Variants in DLGAP2 observed in about 807,000 individuals in gnomAD.
DLGAP2 encodes disks large-associated protein 2.
In DLGAP2, 26 loss-of-function variants were observed where a neutral mutation model predicts 100.3. The observed-to-expected ratio is 0.26, with a 90% CI of 0.19 to 0.36. The LOEUF (loss-of-function observed/expected upper bound fraction) is 0.36. DLGAP2 is among the 10% of genes least tolerant of loss of function. The probability of loss-of-function intolerance (pLI) is 1.00; values close to 1 mark genes in which losing one functional copy is unlikely to be tolerated. For synonymous variants in DLGAP2, 886 were observed against 630.1 expected (o/e 1.41, Z -6.08); for missense variants, 1,858 against 1,453.2 (o/e 1.28, Z -4.53).
At chr8:1,552,348 A>G (rs1462091272) in intron 5 of DLGAP2, among the ~76,000 whole-genome samples, 2 of 152,294 alleles carry the variant, frequency 1.3e-5, no homozygotes, top group East Asian at 3.9e-4. Context: ...CTCCCAGTGA[A>G]ACCACCTCTT....
chr8:1,117,261 G>C (rs1346630016), intron 2 of DLGAP2, among the ~76,000 whole-genome samples: 2 of 152,232 alleles, frequency 1.3e-5, no homozygotes, highest in African/African-American at 4.8e-5. Context: ...CCTCTCTGAG[G>C]CTGATGGCAC....
chr8:1,543,138 C>T (rs1801418316), intron 4 of DLGAP2, among the ~76,000 whole-genome samples: 1 of 152,206 alleles, frequency 6.6e-6, no homozygotes, highest in Admixed American at 6.5e-5. Flanking sequence ...AAAAATGTTT[C>T]CCATTCTGTG....
chr8:1,254,610 A>C (rs961952664), intron 2 of DLGAP2, among the ~76,000 whole-genome samples: 5 of 152,026 alleles, frequency 3.3e-5, no homozygotes. Context: ...CTGCATTCCA[A>C]AATAGGGTTT....
At chr8:1,166,702 C>T (rs1797023235) in intron 2 of DLGAP2, among the ~76,000 whole-genome samples, 1 of 152,020 alleles carries the variant, frequency 6.6e-6, no homozygotes, top group African/African-American at 2.4e-5. Flanking sequence ...ACATTGTGAA[C>T]GTGTATCTAT....
chr8:1,659,666 C>T (rs1200083578), intron 8 of DLGAP2, among the ~76,000 whole-genome samples: 1 of 152,080 alleles, frequency 6.6e-6, no homozygotes, highest in Admixed American at 6.5e-5. Flanking sequence ...GAGTGCAACT[C>T]CTGCTATTTT....
chr8:1,210,587 G>A (rs559993235), intron 2 of DLGAP2, among the ~76,000 whole-genome samples: 12 of 152,320 alleles, frequency 7.9e-5, no homozygotes, highest in Non-Finnish European at 1.5e-4. Flanking sequence ...AGTTTCTCTG[G>A]CAGGTGGGGT....
chr8:1,573,636 G>C (rs751746653), intron 6 of DLGAP2, among the ~76,000 whole-genome samples: 4 of 152,062 alleles, frequency 2.6e-5, no homozygotes, highest in Non-Finnish European at 5.9e-5. Context: ...GTGCTGTTCT[G>C]GTGCCCAAAT....
At chr8:1,362,333 C>A (rs913309896) in intron 3 of DLGAP2, among the ~76,000 whole-genome samples, 1 of 130,306 alleles carries the variant, frequency 7.7e-6, no homozygotes, top group Non-Finnish European at 1.6e-5. Flanking sequence ...CCAGGTCCTG[C>A]CACTTACAGC....
At chr8:864,081 A>C (rs1797444511) in intron 1 of DLGAP2, among the ~76,000 whole-genome samples, 1 of 152,200 alleles carries the variant, frequency 6.6e-6, no homozygotes, top group South Asian at 2.1e-4. Flanking sequence ...TTTGCTAAGT[A>C]AAGTGAGCCA....
chr8:1,032,226 A>T (rs1801995897), intron 2 of DLGAP2, among the ~76,000 whole-genome samples: 1 of 152,196 alleles, frequency 6.6e-6, no homozygotes, highest in African/African-American at 2.4e-5. Context: ...AGGGGCAGCA[A>T]AGGTGTGTTC....
intron 2 of DLGAP2, among the ~76,000 whole-genome samples, chr8:987,889 T>C (rs1800533289): frequency 6.6e-6 from 1 of 152,220 alleles, no homozygotes; most frequent in Non-Finnish European, 1.5e-5. Context: ...CACCTAGGAT[T>C]CTATTACATG....
intron 2 of DLGAP2, among the ~76,000 whole-genome samples, chr8:1,046,895 G>A (rs1267055737): frequency 6.6e-6 from 1 of 151,820 alleles, no homozygotes; most frequent in Middle Eastern, 3.2e-3. Flanking sequence ...TCAGTGCTTG[G>A]TAAATGCACG....
At chr8:1,449,153 G>T (rs932264367) in intron 3 of DLGAP2, among the ~76,000 whole-genome samples, 2 of 152,154 alleles carry the variant, frequency 1.3e-5, no homozygotes, top group African/African-American at 4.8e-5. Flanking sequence ...TCCCCTGATG[G>T]GGAAAGTCAC....
intron 3 of DLGAP2, among the ~76,000 whole-genome samples, chr8:1,494,513 G>A (rs1002513370): frequency 1.3e-5 from 2 of 152,144 alleles, no homozygotes; most frequent in South Asian, 2.1e-4. Context: ...GGTGGATCAC[G>A]AGGTCAGGAG....
intron 1 of DLGAP2, among the ~76,000 whole-genome samples, chr8:803,901 T>A (rs1057376189): frequency 9.9e-5 from 15 of 152,238 alleles, no homozygotes; most frequent in African/African-American, 3.6e-4. Flanking sequence ...CACTTAGGGC[T>A]TTCAAAAGAA....
At chr8:747,703 CTGTGGTGGAATGAACGTGT>C in intron 1 of DLGAP2, among the ~76,000 whole-genome samples, 1 of 93,852 alleles carries the variant, frequency 1.1e-5, no homozygotes, top group Non-Finnish European at 2.2e-5. Context: ...ATGGGCGGGT[CTGTGGTGGAATGAACGTGT>C]CTGCGGTGGG....
intron 1 of DLGAP2, among the ~76,000 whole-genome samples, chr8:761,374 G>T (rs1050689026): frequency 6.6e-6 from 1 of 152,192 alleles, no homozygotes; most frequent in African/African-American, 2.4e-5. Flanking sequence ...ACCTCGAATC[G>T]GGAGCAGACT....
At chr8:1,536,223 A>C (rs1425257007) in intron 4 of DLGAP2, among the ~76,000 whole-genome samples, 1 of 152,116 alleles carries the variant, frequency 6.6e-6, no homozygotes, top group Non-Finnish European at 1.5e-5. Flanking sequence ...CCTACAAGCC[A>C]TCTGAACTTG....
At position 779,155 on chromosome 8, in the gene DLGAP2, G is replaced by C. The variant is rs567774650; in HGVS notation, c.18+41330G>C. On this transcript the variant is annotated intron_variant, in intron 1 of 14. Coordinates refer to ENST00000637795, the MANE Select transcript of DLGAP2 (RefSeq NM_001346810.2). ...TGACTAGGAAAGGGAACTCCCTGAC[G>C]CCTTGCGCTTCCCGAGTGAGGCAAT... Among the ~76,000 whole-genome samples the C allele has an allele frequency of 4.6e-5, 7 of 152,306 alleles. No homozygotes were observed. In the South Asian group the frequency reaches 6.2e-4, roughly 14 times the overall value.
Sources: allele counts gnomAD v4.1 joint callset (sites outside exome capture counted in the v4.1 genomes callset), GRCh38; gene constraint gnomAD v4.1.1; transcripts MANE v1.5; gene names NCBI Gene and HGNC (gene_info 2026-07-23, HGNC 2026-07-21).